Variants in SORCS1 observed in about 807,000 individuals in gnomAD.
SORCS1 encodes the protein VPS10 domain-containing receptor SorCS1.
In SORCS1, 60 loss-of-function variants were observed where a neutral mutation model predicts 146.1. The observed-to-expected ratio is 0.41, with a 90% CI of 0.33 to 0.51. SORCS1 has a LOEUF of 0.51. Among genes scored for constraint, SORCS1 ranks in the 20% least tolerant of loss-of-function variants. The pLI, the probability that SORCS1 is intolerant of heterozygous loss-of-function variation, is 0.21. For synonymous variants in SORCS1, 637 were observed against 584.0 expected (o/e 1.09, Z -1.31); for missense variants, 1,352 against 1,487.6 (o/e 0.91, Z 1.50).
chr10:106,672,925 G>T lies in SORCS1; in HGVS notation c.2001C>A (p.Ser667=). 1 of 1,614,106 alleles carries T rather than the reference G, an allele frequency of 6.2e-7. No homozygotes were observed. The highest frequency in any genetic ancestry group is 8.5e-7 in the Non-Finnish European group (1 of 1,179,998). Residue 667 remains serine (S), a synonymous_variant, in exon 15 of 26, where the codon TCC becomes TCA. Coordinates refer to ENST00000263054, the MANE Select transcript of SORCS1 (RefSeq NM_052918.5). ...EWQLVKVDYK[S]IFDRRCAEED... ...CTTCGGCACACCGTCTATCAAAAAT[G>T]GACTTGTAATCTACTTTGACCAGCT...
At chr10:106,913,933 T>C (rs372090703) in intron 2 of SORCS1, among the ~76,000 whole-genome samples, 4 of 152,292 alleles carry the variant, frequency 2.6e-5, no homozygotes, top group Middle Eastern at 3.4e-3. Context: ...AAAATACAAG[T>C]TGAGTCCCTT....
intron 2 of SORCS1, among the ~76,000 whole-genome samples, chr10:106,943,765 G>A (rs1044174658): frequency 6.6e-6 from 1 of 151,954 alleles, no homozygotes; most frequent in East Asian, 1.9e-4. Context: ...AGCCGAGATC[G>A]TGCCACTGGA....
chr10:106,581,156 T>G (rs1844882477), intron 24 of SORCS1, among the ~76,000 whole-genome samples: 1 of 152,198 alleles, frequency 6.6e-6, no homozygotes, highest in African/African-American at 2.4e-5. Context: ...ACACCTTCCA[T>G]TTGTCATAGA....
upstream of SORCS1, among the ~76,000 whole-genome samples, chr10:107,166,307 T>G (rs561964477): frequency 2.6e-4 from 40 of 152,308 alleles, no homozygotes; most frequent in South Asian, 3.5e-3. Flanking sequence ...ATTAATGAAA[T>G]TCTTTCTAAT....
intron 1 of SORCS1, among the ~76,000 whole-genome samples, chr10:106,958,401 G>A (rs769528211): frequency 3.3e-5 from 5 of 152,134 alleles, no homozygotes; most frequent in Non-Finnish European, 7.3e-5. Context: ...CTTAAATTCC[G>A]GGGCTGTAAG....
chr10:106,732,588 A>C (rs1856674193), intron 5 of SORCS1, among the ~76,000 whole-genome samples: 1 of 152,182 alleles, frequency 6.6e-6, no homozygotes. Context: ...ACCACCACTT[A>C]TTCCCAGGAG....
At chr10:107,153,299 G>A (rs1968987629) in intron 1 of SORCS1, among the ~76,000 whole-genome samples, 1 of 151,940 alleles carries the variant, frequency 6.6e-6, no homozygotes, top group African/African-American at 2.4e-5. Context: ...AGACTTAAAT[G>A]TTGTACATTG....
intron 3 of SORCS1, among the ~76,000 whole-genome samples, chr10:106,778,217 G>C (rs1860611313): frequency 6.6e-6 from 1 of 152,232 alleles, no homozygotes; most frequent in South Asian, 2.1e-4. Flanking sequence ...GTTCCTTGCT[G>C]TTCTTTCAAC....
intron 18 of SORCS1, among the ~76,000 whole-genome samples, chr10:106,639,542 A>G (rs1276775172): frequency 6.6e-6 from 1 of 152,196 alleles, no homozygotes; most frequent in African/African-American, 2.4e-5. Flanking sequence ...AACTTCAGAC[A>G]TTAGGCTTCC....
intron 2 of SORCS1, among the ~76,000 whole-genome samples, chr10:106,945,234 GT>G (rs1214129101): frequency 6.6e-6 from 1 of 152,056 alleles, no homozygotes; most frequent in Non-Finnish European, 1.5e-5. Flanking sequence ...TTAAAAAGAA[GT>G]TGGTATTTGG....
At chr10:106,643,709 G>T (rs139505523) in intron 18 of SORCS1, among the ~76,000 whole-genome samples, 1 of 152,204 alleles carries the variant, frequency 6.6e-6, no homozygotes, top group East Asian at 1.9e-4. Flanking sequence ...ACATATCTTC[G>T]AACCAGATTC....
At chr10:106,656,870 T>C (rs188089159) in intron 17 of SORCS1, among the ~76,000 whole-genome samples, 1 of 152,274 alleles carries the variant, frequency 6.6e-6, no homozygotes, top group Non-Finnish European at 1.5e-5. Flanking sequence ...ATCAGTTTGT[T>C]TTTGTTTTTA....
At chr10:107,117,283 T>C (rs1966099455) in intron 1 of SORCS1, among the ~76,000 whole-genome samples, 1 of 152,320 alleles carries the variant, frequency 6.6e-6, no homozygotes, top group African/African-American at 2.4e-5. Context: ...TATCAGGCTT[T>C]GTTGTTTTTG....
intron 1 of SORCS1, among the ~76,000 whole-genome samples, chr10:107,030,036 A>G (rs1223005187): frequency 1.3e-5 from 2 of 152,150 alleles, no homozygotes; most frequent in Non-Finnish European, 2.9e-5. Context: ...AAGCAGTGCC[A>G]TGTCGCACAA....
chr10:106,673,063 G>T, intron 14 of SORCS1, 78 bp from the exon 15 acceptor site: 1 of 1,172,394 alleles, frequency 8.5e-7, no homozygotes, highest in South Asian at 1.3e-5. Flanking sequence ...CATTTGTGGG[G>T]CGTTCACCCT....
chr10:106,906,034 G>T (rs1951895086), intron 2 of SORCS1, among the ~76,000 whole-genome samples: 1 of 152,080 alleles, frequency 6.6e-6, no homozygotes, highest in African/African-American at 2.4e-5. Context: ...AAAACTTTTA[G>T]GTTTAACCAC....
chr10:106,640,138 G>A (rs983935040), intron 18 of SORCS1, among the ~76,000 whole-genome samples: 1 of 152,192 alleles, frequency 6.6e-6, no homozygotes, highest in Admixed American at 6.5e-5. Context: ...GTCAAATTGT[G>A]TCATGAATTC....
intron 1 of SORCS1, among the ~76,000 whole-genome samples, chr10:107,034,680 C>CAAAAAAAAAAAAAAA (rs553032484): frequency 2.2e-4 from 3 of 13,796 alleles, no homozygotes; most frequent in African/African-American, 2.7e-4. Context: ...AACTCCATCT[C>CAAAAAAAAAAAAAAA]AAAAAAAAAA....
At chr10:106,722,717 G>A (rs910100971) in intron 6 of SORCS1, among the ~76,000 whole-genome samples, 10 of 152,118 alleles carry the variant, frequency 6.6e-5, no homozygotes, top group African/African-American at 2.4e-4. Context: ...TTCAGGTTGC[G>A]GGTTGGGCCT....
Sources: gnomAD v4.1 joint callset for allele counts (sites outside exome capture counted in the v4.1 genomes callset) on GRCh38, gnomAD v4.1.1 for gene constraint, MANE v1.5 for transcripts, NCBI Gene and HGNC (gene_info 2026-07-23, HGNC 2026-07-21) for gene names.